Variants in PPP1CC observed in about 807,000 individuals in gnomAD.
PPP1CC encodes serine/threonine-protein phosphatase PP1-gamma catalytic subunit.
PPP1CC carries 16 observed loss-of-function variants against 38.4 expected under a neutral mutation model. The observed-to-expected ratio is 0.42, with a 90% CI of 0.28 to 0.63. The LOEUF is 0.63. Among genes scored for constraint, PPP1CC ranks in the 30% least tolerant of loss-of-function variants. PPP1CC has a pLI of 0.25. For synonymous variants in PPP1CC, 158 were observed against 136.0 expected (o/e 1.16, Z -1.13); for missense variants, 170 against 391.3 (o/e 0.43, Z 4.77).
chr12:110,721,163 A>T lies in PPP1CC; in HGVS notation c.885T>A (p.Ile295=), dbSNP rs1450953794. ...GCTTCTTTTTCTCTGCAGGCTTTAA[A>T]ATCTGGAGATTCAAAAGACAGTTAA... ...VDETLMCSFQ[I]LKPAEKKKPN... The change falls in exon 7 of 7, where the codon ATT becomes ATA. Residue 295 remains isoleucine (I), a splice_region_variant and synonymous_variant. Transcript: ENST00000335007. The T allele has an allele frequency of 6.2e-7, 1 of 1,613,122 alleles. No individual in the cohort carries two copies.
intron 3 of PPP1CC, among the ~76,000 whole-genome samples, chr12:110,729,836 C>T (rs2069852115): frequency 6.6e-6 from 1 of 152,174 alleles, no homozygotes; most frequent in Admixed American, 6.5e-5. Context: ...GAATTGTACA[C>T]TTTTAACAGA....
chr12:110,715,928 T>A (rs529322165), downstream of PPP1CC, among the ~76,000 whole-genome samples: 1 of 150,862 alleles, frequency 6.6e-6, no homozygotes, highest in East Asian at 1.9e-4. Context: ...GCCAGTATGC[T>A]ACCTTCTTAG....
rs2069734058 is a variant in PPP1CC at position 110,721,098 on chromosome 12, A to G, written c.950T>C (p.Ile317Thr). 6.2e-7 allele frequency: 1 copy of G among 1,613,788 alleles called. No individual in the cohort carries two copies. Among genetic ancestry groups the G allele is most frequent in the Admixed American group, 1.7e-5 (1 of 59,988 alleles). Residue 317 changes from isoleucine to threonine, a missense_variant, in exon 7 of 7, where the codon ATC becomes ACC. Ile to Thr is a moderately conservative substitution (Grantham distance 89). Around this residue, in one of 3 missense-constraint regions of PPP1CC, gnomAD observed 23 missense variants for 24.0 expected, o/e 0.96. Coordinates refer to ENST00000335007, the MANE Select transcript of PPP1CC (RefSeq NM_002710.4). ...CATCTATTTCTTTGCTTGCTTTGTG[A>G]TCATACCCCTTGGAGGCGTTACAGG... Reference protein sequence around the residue: ...TRPVTPPRGMITKQAKK With the variant: ...TRPVTPPRGMTTKQAKK
rs1419215683 is a variant in PPP1CC at position 110,722,041 on chromosome 12, A to C, written c.882+94T>G. 6.6e-7 allele frequency: 1 copy of C among 1,511,092 alleles called. No individual in the cohort carries two copies. Among genetic ancestry groups the C allele is most frequent in the Non-Finnish European group, 9.1e-7 (1 of 1,102,212 alleles). 93.6% of individuals were successfully genotyped at this position (1,511,092 alleles called of 1,614,324 possible). A position where few individuals can be genotyped will look rare whatever the true frequency, so the allele number is the denominator to read the frequency against. The stretch of plus-strand genomic sequence containing the variant: ...AAAATAAAAACTTAGCCTACTCAGC[A>C]TAAGTGAACACTAGGCAAAAAGTAG... On this transcript the variant is annotated intron_variant, in intron 6 of 6. Transcript: ENST00000335007. The surrounding 1 kb of genome is among the most constrained non-coding windows in gnomAD (Gnocchi z 5.4).
chr12:110,739,817 A>G (rs908472269), intron 1 of PPP1CC, among the ~76,000 whole-genome samples: 26 of 152,246 alleles, frequency 1.7e-4, no homozygotes, highest in African/African-American at 6.3e-4. Flanking sequence ...AAACTGCCCC[A>G]AATCTCACTT....
chr12:110,727,612 T>TA (rs60861001), intron 3 of PPP1CC, among the ~76,000 whole-genome samples: 1,745 of 133,396 alleles, frequency 0.013, 13 homozygotes, highest in Middle Eastern at 0.034. Flanking sequence ...TTTACAAAGT[T>TA]AAAAAAAAAA....
In PPP1CC at chr12:110,722,994, T is replaced by C. The variant is rs1256594792; in HGVS notation, c.524-299A>G. ...AATCCAGTGATTTAAAAAACTCTTC[T>C]ATGGGCTTCCCCCAGTTGATGACAA... On this transcript the variant is annotated intron_variant, in intron 4 of 6. Transcript: ENST00000335007. This position sits in a 1 kb window ranked among gnomAD's most constrained non-coding sequence, Gnocchi z 5.4. 6.6e-6 allele frequency among the ~76,000 whole-genome samples: 1 copy of C among 152,240 alleles called. No homozygotes were observed. The highest frequency in any genetic ancestry group is 1.5e-5 in the Non-Finnish European group (1 of 68,038).
At chr12:110,735,820 T>TA (rs2069936993) in intron 1 of PPP1CC, among the ~76,000 whole-genome samples, 1 of 151,080 alleles carries the variant, frequency 6.6e-6, no homozygotes, top group Non-Finnish European at 1.5e-5. Flanking sequence ...ATCCCAGCAC[T>TA]TTAGGAGTCC....
At chr12:110,734,278 G>A (rs2069915665) in intron 1 of PPP1CC, among the ~76,000 whole-genome samples, 1 of 152,210 alleles carries the variant, frequency 6.6e-6, no homozygotes, top group South Asian at 2.1e-4. Context: ...TTGCATGACT[G>A]AAATCTGGAT....
chr12:110,715,923 T>C (rs1274145357), downstream of PPP1CC, among the ~76,000 whole-genome samples: 2 of 150,718 alleles, frequency 1.3e-5, no homozygotes, highest in Non-Finnish European at 2.9e-5. Flanking sequence ...GCCCGGCCAG[T>C]ATGCTACCTT....
At chr12:110,741,545 C>A (rs1047094173) in intron 1 of PPP1CC, among the ~76,000 whole-genome samples, 1 of 152,178 alleles carries the variant, frequency 6.6e-6, no homozygotes, top group Admixed American at 6.5e-5. Context: ...TCTTTAAAAG[C>A]TGAACCTCGC....
intron 2 of PPP1CC, among the ~76,000 whole-genome samples, chr12:110,731,122 T>C (rs948541543): frequency 5.3e-5 from 8 of 152,154 alleles, no homozygotes; most frequent in South Asian, 2.1e-4. Context: ...CTCTGGGTAC[T>C]GTGTCAGCAG....
At chr12:110,741,044 T>C (rs974910871) in intron 1 of PPP1CC, among the ~76,000 whole-genome samples, 6 of 152,224 alleles carry the variant, frequency 3.9e-5, no homozygotes, top group African/African-American at 7.2e-5. Flanking sequence ...TAAAGAACTA[T>C]ATTAACTAGT....
At chr12:110,717,656 A>G (rs2136532790), downstream of PPP1CC, among the ~76,000 whole-genome samples, 1 of 152,010 alleles carries the variant, frequency 6.6e-6, no homozygotes, top group East Asian at 1.9e-4. Context: ...TCAGCCTCCC[A>G]AAGTGCTGGG....
intron 1 of PPP1CC, among the ~76,000 whole-genome samples, chr12:110,734,540 T>C (rs2069919429): frequency 6.6e-6 from 1 of 152,098 alleles, no homozygotes. Context: ...ATGGGGTTTC[T>C]CCATATTGGT....
chr12:110,742,106 G>A (rs1470846985), intron 1 of PPP1CC, among the ~76,000 whole-genome samples: 1 of 152,072 alleles, frequency 6.6e-6, no homozygotes, highest in East Asian at 1.9e-4. Flanking sequence ...CTTGAGACAT[G>A]AACGCTTGTT....
At chr12:110,715,894 T>G (rs1253677478), downstream of PPP1CC, among the ~76,000 whole-genome samples, 2 of 152,236 alleles carry the variant, frequency 1.3e-5, no homozygotes, top group Non-Finnish European at 2.9e-5. Context: ...GTGCTGGGAT[T>G]ACAGGCGTGA....
chr12:110,735,634 T>C (rs1475256687), intron 1 of PPP1CC, among the ~76,000 whole-genome samples: 7 of 149,712 alleles, frequency 4.7e-5, no homozygotes, highest in Non-Finnish European at 1.0e-4. Context: ...ATACAAAAAT[T>C]TGCTGGGCAT....
intron 3 of PPP1CC, among the ~76,000 whole-genome samples, chr12:110,729,425 C>T (rs757789537): frequency 1.3e-5 from 2 of 152,158 alleles, no homozygotes; most frequent in Non-Finnish European, 2.9e-5. Flanking sequence ...GATCTCTTGA[C>T]CTTGTGATCC....
Sources: allele counts gnomAD v4.1 joint callset (sites outside exome capture counted in the v4.1 genomes callset), GRCh38; gene constraint gnomAD v4.1.1; regional missense constraint gnomAD v4.1.1; non-coding constraint Gnocchi (gnomAD v3.1); transcripts MANE v1.5; gene names NCBI Gene and HGNC (gene_info 2026-07-23, HGNC 2026-07-21).